EFCAB5: variants seen among roughly 807,000 people sequenced by gnomAD.
EFCAB5 encodes EF-hand calcium-binding domain-containing protein 5.
EFCAB5 carries 131 observed loss-of-function variants against 167.9 expected under a neutral mutation model. That is an observed-to-expected ratio of 0.78 (90% CI 0.68 to 0.90). The LOEUF is 0.90. Ranked by LOEUF, EFCAB5 falls within the 40% of genes least tolerant of loss-of-function variation. EFCAB5 has a pLI of 0.00. For missense variants in EFCAB5, 1,663 were observed against 1,745.2 expected, an observed-to-expected ratio of 0.95 and a Z score of 0.84; for synonymous variants, 574 against 602.8, an observed-to-expected ratio of 0.95 and a Z score of 0.70.
At chr17:30,061,583 C>G (rs2070426995) in intron 14 of EFCAB5, among the ~76,000 whole-genome samples, 1 of 152,126 alleles carries the variant, frequency 6.6e-6, no homozygotes, top group Admixed American at 6.5e-5. Flanking sequence ...CCCCTCCCCA[C>G]CTTTTTTTTA....
At chr17:30,023,849 T>C (rs2069245535) in intron 7 of EFCAB5, among the ~76,000 whole-genome samples, 1 of 152,158 alleles carries the variant, frequency 6.6e-6, no homozygotes, top group African/African-American at 2.4e-5. Flanking sequence ...AAGTGAGCTT[T>C]ATCTCTGGGA....
At chr17:30,067,215 A>G (rs1344164798) in intron 14 of EFCAB5, among the ~76,000 whole-genome samples, 1 of 152,228 alleles carries the variant, frequency 6.6e-6, no homozygotes, top group Non-Finnish European at 1.5e-5. Flanking sequence ...AACAACAGAA[A>G]CAGAAATTAT....
intron 8 of EFCAB5, among the ~76,000 whole-genome samples, chr17:30,036,157 T>A (rs2069611890): frequency 7.0e-6 from 1 of 142,170 alleles, no homozygotes; most frequent in South Asian, 2.1e-4. Context: ...TATAATATAT[T>A]ATTATATATA....
chr17:29,938,303 C>G (rs2067262271), upstream of EFCAB5, among the ~76,000 whole-genome samples: 1 of 125,654 alleles, frequency 8.0e-6, no homozygotes, highest in African/African-American at 2.5e-5. Flanking sequence ...TTTAAAAATA[C>G]TTTTTTGCTA....
In EFCAB5 at chr17:29,986,637, ATTTTTTTTTTT is replaced by A. The variant is rs911310972; in HGVS notation, c.768-6509_768-6499del. The stretch of plus-strand genomic sequence containing the variant: ...ATGCCTCAATTATAGGAGTATATTC[ATTTTTTTTTTT>A]TTTTTTTTTTTTTTTTTTGAGACGG... On this transcript the variant is annotated intron_variant, in intron 4 of 22. Transcript: ENST00000394835. 3.1e-4 allele frequency among the ~76,000 whole-genome samples: 18 copies of A among 58,086 alleles called. No individual in the cohort carries two copies. In the South Asian group the frequency reaches 5.9e-3, roughly 19 times the overall value. The allele number at this position is 58,086 out of a possible 152,430, so 38.1% of individuals were successfully genotyped here.
At position 30,073,211 on chromosome 17, in the gene EFCAB5, A is replaced by G. The variant is rs914975499; in HGVS notation, c.2738-5004A>G. On this transcript the variant is annotated intron_variant, in intron 14 of 22. Coordinates refer to ENST00000394835, the MANE Select transcript of EFCAB5 (RefSeq NM_198529.4). ...ACTGGGACTACAGGTGTGCATCATC[A>G]GGCCTGGCTAATTTTTCTAATTTTT... The G allele has an allele frequency of 1.2e-5, 8 of 679,218 alleles. No homozygotes were observed. In the African/African-American group the frequency reaches 1.3e-4, roughly 11 times the overall value. The allele number at this position is 679,218 out of a possible 1,614,324, so 42.1% of individuals were successfully genotyped here. A position where few individuals can be genotyped will look rare whatever the true frequency, so the allele number is the denominator to read the frequency against.
intron 3 of EFCAB5, among the ~76,000 whole-genome samples, chr17:29,968,023 C>T (rs548003968): frequency 4.2e-4 from 63 of 151,780 alleles, no homozygotes; most frequent in Non-Finnish European, 8.1e-4. Flanking sequence ...CACAGGTGTA[C>T]GCCACCATGC....
At position 30,083,042 on chromosome 17, in the gene EFCAB5, A is replaced by G; in HGVS notation, c.3578A>G (p.Gln1193Arg). The change falls in exon 18 of 23, where the codon CAG (glutamine) becomes CGG (arginine). Residue 1193 changes from glutamine to arginine, a missense_variant and splice_region_variant. Gln to Arg is a conservative substitution (Grantham distance 43). Coordinates refer to ENST00000394835, the MANE Select transcript of EFCAB5 (RefSeq NM_198529.4). ...TTYFVEPSPA[Q>R]DSDYVLRNMM... is the part of the protein sequence containing the mutation. ...TACTTTGTAGAGCCTAGCCCAGCCC[A>G]GGTAGGCAAGGCTCAGTAGTGGTAG... 6.2e-7 allele frequency: 1 copy of G among 1,613,652 alleles called. No homozygotes were observed. The highest frequency in any genetic ancestry group is 1.1e-5 in the South Asian group (1 of 91,036).
intron 7 of EFCAB5, among the ~76,000 whole-genome samples, chr17:30,019,723 G>C (rs1597678276): frequency 6.6e-6 from 1 of 152,058 alleles, no homozygotes; most frequent in South Asian, 2.1e-4. Flanking sequence ...TAGGATTACA[G>C]GCGTGAGCCA....
chr17:30,086,512 G>A (rs770836196), intron 18 of EFCAB5, among the ~76,000 whole-genome samples: 7 of 151,910 alleles, frequency 4.6e-5, no homozygotes, highest in African/African-American at 1.2e-4. Flanking sequence ...TTGGGAGGTC[G>A]AGGTGGGTGG....
chr17:30,017,207 CAACCAAACAAAA>C (rs577906056), intron 7 of EFCAB5, among the ~76,000 whole-genome samples: 149 of 151,822 alleles, frequency 9.8e-4, no homozygotes, highest in Non-Finnish European at 1.8e-3. Context: ...ATCCAAAAAC[CAACCAAACAAAA>C]AACCACACAA....
intron 7 of EFCAB5, among the ~76,000 whole-genome samples, chr17:30,018,296 C>T (rs1597675960): frequency 6.6e-6 from 1 of 151,322 alleles, no homozygotes; most frequent in East Asian, 1.9e-4. Context: ...AAAAAGAAAA[C>T]AGAAAACAGA....
intron 4 of EFCAB5, 99 bp downstream of exon 4, chr17:29,969,466 T>G (rs924086261): frequency 2.3e-5 from 25 of 1,068,628 alleles, no homozygotes; most frequent in Non-Finnish European, 3.2e-5. Flanking sequence ...AAACAAGTGA[T>G]TCTACAGTTA....
intron 7 of EFCAB5, among the ~76,000 whole-genome samples, chr17:30,006,567 A>G (rs1433669484): frequency 6.6e-6 from 1 of 152,230 alleles, no homozygotes; most frequent in Non-Finnish European, 1.5e-5. Context: ...AATTTTCCAA[A>G]TAAAAGTTTT....
intron 22 of EFCAB5, among the ~76,000 whole-genome samples, chr17:30,094,728 ACT>A (rs1404029389): frequency 6.6e-6 from 1 of 151,664 alleles, no homozygotes. Context: ...TTCTGATGAA[ACT>A]CTAGGCAGCT....
At chr17:29,991,698 T>C (rs559416791) in intron 4 of EFCAB5, among the ~76,000 whole-genome samples, 1 of 152,276 alleles carries the variant, frequency 6.6e-6, no homozygotes, top group African/African-American at 2.4e-5. Context: ...TGCAGAGATT[T>C]TGTTTATGGC....
At chr17:29,953,519 C>G (rs2067553675) in intron 3 of EFCAB5, among the ~76,000 whole-genome samples, 1 of 152,214 alleles carries the variant, frequency 6.6e-6, no homozygotes, top group Admixed American at 6.5e-5. Context: ...TGCTCTCTCT[C>G]TCTTACTTGC....
In EFCAB5 at chr17:29,999,972, C is replaced by A; in HGVS notation, c.1040C>A (p.Thr347Lys). 6.4e-7 allele frequency: 1 copy of A among 1,564,316 alleles called. No homozygotes were observed. The highest frequency in any genetic ancestry group is 8.7e-7 in the Non-Finnish European group (1 of 1,151,538). ...TEPRLNKMEFTEYISSHIKDL... is the reference protein window; with the variant it reads ...TEPRLNKMEFKEYISSHIKDL... ...CCAAGATTGAACAAAATGGAATTTACAGAAGTAAGAGTTACATTATTTAAT... is the reference window on the plus strand; with the variant it reads ...CCAAGATTGAACAAAATGGAATTTAAAGAAGTAAGAGTTACATTATTTAAT... Residue 347 changes from threonine to lysine, a missense_variant, in exon 7 of 23, where the codon ACA becomes AAA. Coordinates refer to ENST00000394835, the MANE Select transcript of EFCAB5 (RefSeq NM_198529.4).
intron 14 of EFCAB5, chr17:30,059,984 A>C (rs2070382720): frequency 5.3e-6 from 1 of 190,224 alleles, no homozygotes; most frequent in Admixed American, 6.0e-5. Flanking sequence ...ACTGTGCCCA[A>C]CTCTGGCTAT....
Sources: gnomAD v4.1 joint callset for allele counts (sites outside exome capture counted in the v4.1 genomes callset) on GRCh38, gnomAD v4.1.1 for gene constraint, MANE v1.5 for transcripts, NCBI Gene and HGNC (gene_info 2026-07-23, HGNC 2026-07-21) for gene names.